Variants in TIPIN observed in about 807,000 individuals in gnomAD.
TIPIN encodes the protein TIMELESS-interacting protein.
A neutral mutation model predicts 35.6 loss-of-function variants in TIPIN; 29 were observed. The observed-to-expected ratio is 0.82, with a 90% CI of 0.61 to 1.11. The LOEUF (loss-of-function observed/expected upper bound fraction) is 1.11, where lower values mean the gene tolerates loss of function less well. Among genes scored for constraint, TIPIN ranks in the 50% most tolerant of loss-of-function variants. The pLI is 0.00. For synonymous variants in TIPIN, 102 were observed against 121.5 expected, an observed-to-expected ratio of 0.84 and a Z score of 1.06; for missense variants, 296 against 345.4, an observed-to-expected ratio of 0.86 and a Z score of 1.13.
intron 1 of TIPIN, among the ~76,000 whole-genome samples, chr15:66,385,753 C>T (rs1369762984): frequency 6.6e-6 from 1 of 152,002 alleles, no homozygotes; most frequent in East Asian, 1.9e-4. Flanking sequence ...TCCCAAAGTT[C>T]TGGAATTACA....
At chr15:66,357,595 CAAAAAAAAAAAAA>C (rs574898699), upstream of TIPIN, among the ~76,000 whole-genome samples, 20 of 63,426 alleles carry the variant, frequency 3.2e-4, no homozygotes, top group South Asian at 1.7e-3. Flanking sequence ...GATCTTGTCG[CAAAAAAAAAAAAA>C]AAAAAAAAAA....
chr15:66,353,676 A>C (rs1006297991), intron 1 of TIPIN, among the ~76,000 whole-genome samples: 1 of 151,944 alleles, frequency 6.6e-6, no homozygotes, highest in African/African-American at 2.4e-5. Flanking sequence ...AATTAAAAAT[A>C]AAAAAAAATT....
At chr15:66,360,231 AT>A (rs2093225123), upstream of TIPIN, among the ~76,000 whole-genome samples, 4 of 152,300 alleles carry the variant, frequency 2.6e-5, no homozygotes, top group South Asian at 8.3e-4. Context: ...TCCCTAAAAA[AT>A]AAAAATAAAA....
intron 1 of TIPIN, among the ~76,000 whole-genome samples, chr15:66,380,515 C>CA (rs1293894867): frequency 6.6e-6 from 1 of 151,852 alleles, no homozygotes; most frequent in Non-Finnish European, 1.5e-5. Context: ...CTGTTTATGA[C>CA]AAAACAATAG....
At chr15:66,374,715 G>C (rs907904054) in intron 1 of TIPIN, among the ~76,000 whole-genome samples, 1 of 152,116 alleles carries the variant, frequency 6.6e-6, no homozygotes, top group Non-Finnish European at 1.5e-5. Flanking sequence ...AAGTAGCTGG[G>C]ATTACAGGTG....
chr15:66,366,880 A>G (rs2093257078), intron 1 of TIPIN: 1 of 985,038 alleles, frequency 1.0e-6, no homozygotes, highest in Admixed American at 6.2e-5. Flanking sequence ...GGGCAACAGT[A>G]ATAAAATTGG....
At chr15:66,374,001 C>G (rs1369589948) in intron 1 of TIPIN, among the ~76,000 whole-genome samples, 1 of 152,210 alleles carries the variant, frequency 6.6e-6, no homozygotes, top group South Asian at 2.1e-4. Flanking sequence ...CCATGCCCAG[C>G]TTGTCTTTTT....
chr15:66,348,623 G>A (rs555513789), intron 6 of TIPIN, among the ~76,000 whole-genome samples: 1 of 151,826 alleles, frequency 6.6e-6, no homozygotes, highest in Admixed American at 6.6e-5. Context: ...GGACCCAGGA[G>A]ATGGAGGTTG....
chr15:66,384,692 C>G (rs2093330061), intron 1 of TIPIN, among the ~76,000 whole-genome samples: 1 of 152,066 alleles, frequency 6.6e-6, no homozygotes, highest in Non-Finnish European at 1.5e-5. Flanking sequence ...GTGGGCGGAT[C>G]ACCTGAGGTC....
chr15:66,352,325 G>C, intron 2 of TIPIN, 118 bp from the exon 3 acceptor site: 3 of 748,060 alleles, frequency 4.0e-6, no homozygotes, highest in Non-Finnish European at 6.4e-6. Flanking sequence ...TTGAAACAGG[G>C]TCTCACTCTG....
chr15:66,357,025 T>A (rs2093208759), upstream of TIPIN, among the ~76,000 whole-genome samples: 1 of 152,050 alleles, frequency 6.6e-6, no homozygotes, highest in African/African-American at 2.4e-5. Context: ...GAAACGATCC[T>A]CCCACCTCAG....
chr15:66,365,690 G>C (rs1056600348), intron 1 of TIPIN, among the ~76,000 whole-genome samples: 4 of 152,248 alleles, frequency 2.6e-5, no homozygotes, highest in African/African-American at 9.6e-5. Context: ...GGGATTACAG[G>C]TGCGTGGCAC....
chr15:66,355,027 C>CTTTTTTTTTTTTTT (rs747834289), intron 1 of TIPIN, among the ~76,000 whole-genome samples: 1 of 112,740 alleles, frequency 8.9e-6, no homozygotes, highest in Non-Finnish European at 1.8e-5. Context: ...CAATATATAT[C>CTTTTTTTTTTTTTT]TTTTTTTTTT....
At chr15:66,344,169 C>T (rs934074396) in intron 6 of TIPIN, among the ~76,000 whole-genome samples, 1 of 152,002 alleles carries the variant, frequency 6.6e-6, no homozygotes, top group African/African-American at 2.4e-5. Flanking sequence ...ATGATCATAG[C>T]TCACTCCAGC....
At chr15:66,354,419 ATCTG>A (rs1040392918) in intron 1 of TIPIN, among the ~76,000 whole-genome samples, 19 of 152,236 alleles carry the variant, frequency 1.2e-4, no homozygotes, top group South Asian at 2.1e-4. Context: ...TATCCCTTGA[ATCTG>A]TCTATTTCTC....
chr15:66,344,328 T>TC (rs1488493967), intron 6 of TIPIN, among the ~76,000 whole-genome samples: 1 of 152,004 alleles, frequency 6.6e-6, no homozygotes, highest in African/African-American at 2.4e-5. Flanking sequence ...ACGCCTGTAA[T>TC]CATGGCCCTT....
At chr15:66,347,729 G>A (rs575671604) in intron 6 of TIPIN, among the ~76,000 whole-genome samples, 6 of 151,986 alleles carry the variant, frequency 3.9e-5, no homozygotes, top group African/African-American at 1.2e-4. Flanking sequence ...GATTACAGGC[G>A]TGCACCACCC....
intron 1 of TIPIN, among the ~76,000 whole-genome samples, chr15:66,355,491 G>A (rs887444707): frequency 6.6e-6 from 1 of 151,308 alleles, no homozygotes; most frequent in Non-Finnish European, 1.5e-5. Context: ...GGCTCACGCC[G>A]GTAATCCCAG....
intron 4 of TIPIN, 127 bp downstream of exon 4, chr15:66,351,398 T>TTTCTCAAGACATACGACGACTAAGGATAA: frequency 1.4e-6 from 1 of 727,412 alleles, no homozygotes; most frequent in Non-Finnish European, 2.4e-6. Context: ...ATCACAACTG[T>TTTCTCAAGACATACGACGACTAAGGATAA]TTCTCAAGAC....
Sources: allele counts gnomAD v4.1 joint callset (sites outside exome capture counted in the v4.1 genomes callset), GRCh38; gene constraint gnomAD v4.1.1; transcripts MANE v1.5; gene names NCBI Gene and HGNC (gene_info 2026-07-23, HGNC 2026-07-21).